The following SLC14A2 variants were observed in gnomAD, a reference collection of about 807,000 sequenced individuals.
SLC14A2 encodes the protein solute carrier family 14 member 2.
In SLC14A2, 91 loss-of-function variants were observed where a neutral mutation model predicts 104.6. That is an observed-to-expected ratio of 0.87 (90% confidence interval 0.73 to 1.04). The LOEUF (loss-of-function observed/expected upper bound fraction) is 1.04, where lower values mean the gene tolerates loss of function less well. SLC14A2 is among the 50% of genes least tolerant of loss of function. The pLI, the probability that SLC14A2 is intolerant of heterozygous loss-of-function variation, is 0.00. For synonymous variants in SLC14A2, 476 were observed against 466.4 expected (o/e 1.02, Z -0.27); for missense variants, 1,189 against 1,156.0 (o/e 1.03, Z -0.41).
At chr18:45,524,083 G>T (rs573782413) in intron 2 of SLC14A2, among the ~76,000 whole-genome samples, 51 of 152,294 alleles carry the variant, frequency 3.3e-4, no homozygotes, top group Non-Finnish European at 6.6e-4. Context: ...CCTGGCTATT[G>T]TAAGGATTGG....
chr18:45,493,345 C>T (rs1415039010), intron 2 of SLC14A2: 2 of 152,300 alleles, frequency 1.3e-5, no homozygotes, highest in East Asian at 3.9e-4. Flanking sequence ...GGCAGAGGAG[C>T]CCCAAGTCAC....
chr18:45,537,027 C>T lies in SLC14A2; in HGVS notation c.-35+53705C>T, dbSNP rs2043799149. 6.4e-5 allele frequency among the ~76,000 whole-genome samples: 4 copies of T among 62,446 alleles called. No homozygotes were observed. The South Asian group carries it at 3.1e-3, about 49-fold the overall frequency. 41.0% of individuals were successfully genotyped at this position (62,446 alleles called of 152,430 possible). On this transcript the variant is annotated intron_variant, in intron 2 of 20. Transcript: ENST00000586448. ...TGGTTCGTCCCCCTCTCTCCCCTCC[C>T]TCCCTCCCTCCCTCCCTCCCTCCCT...
intron 2 of SLC14A2, among the ~76,000 whole-genome samples, chr18:45,505,196 A>G (rs1395842945): frequency 2.0e-5 from 3 of 152,142 alleles, no homozygotes; most frequent in African/African-American, 7.2e-5. Flanking sequence ...GGCTGTTTGG[A>G]TAGTCCAGTG....
the SLC14A2 span, among the ~76,000 whole-genome samples, chr18:45,198,495 C>T: frequency 2.0e-5 from 3 of 152,084 alleles, no homozygotes; most frequent in Non-Finnish European, 4.4e-5. Flanking sequence ...TATACAAAGT[C>T]TTATTCTGTA....
chr18:45,271,094 G>A (rs2084646528), intron 1 of SLC14A2, among the ~76,000 whole-genome samples: 1 of 152,150 alleles, frequency 6.6e-6, no homozygotes, highest in African/African-American at 2.4e-5. Context: ...AAGCTTAGAT[G>A]GTGGATCCCA....
At chr18:45,680,902 A>G in intron 19 of SLC14A2, among the ~76,000 whole-genome samples, 1 of 152,182 alleles carries the variant, frequency 6.6e-6, no homozygotes, top group East Asian at 1.9e-4. Flanking sequence ...GACTCGCTGA[A>G]TGGAACTCAT....
chr18:45,294,411 A>G (rs1035294261), intron 1 of SLC14A2, among the ~76,000 whole-genome samples: 5 of 152,186 alleles, frequency 3.3e-5, no homozygotes, highest in Non-Finnish European at 7.4e-5. Context: ...AGCTAGTATT[A>G]ATGTTAGATT....
At chr18:45,259,308 A>C (rs1220115267) in intron 1 of SLC14A2, among the ~76,000 whole-genome samples, 1 of 152,196 alleles carries the variant, frequency 6.6e-6, no homozygotes, top group Non-Finnish European at 1.5e-5. Context: ...GGAAGAAATA[A>C]TATGTTGGAG....
intron 1 of SLC14A2, among the ~76,000 whole-genome samples, chr18:45,214,958 A>G (rs1453143594): frequency 6.6e-6 from 1 of 151,524 alleles, no homozygotes; most frequent in Admixed American, 6.6e-5. Context: ...AAGAAAAAAA[A>G]GATACCTAAT....
intron 11 of SLC14A2, 122 bp downstream of exon 11, chr18:45,664,029 C>A: frequency 9.6e-7 from 1 of 1,040,984 alleles, no homozygotes; most frequent in Non-Finnish European, 1.4e-6. Context: ...GACTTGACCT[C>A]TCACACCTGA....
chr18:45,423,113 T>C (rs2086371744), intron 1 of SLC14A2, among the ~76,000 whole-genome samples: 1 of 152,236 alleles, frequency 6.6e-6, no homozygotes, highest in African/African-American at 2.4e-5. Flanking sequence ...CCATTTATTT[T>C]CACTCTCTCT....
intron 1 of SLC14A2, among the ~76,000 whole-genome samples, chr18:45,460,703 T>G (rs2087029699): frequency 1.3e-5 from 2 of 152,206 alleles, no homozygotes; most frequent in South Asian, 4.1e-4. Context: ...CCCTCTCTCC[T>G]TGGCAACTTT....
chr18:45,276,961 G>A (rs1451088784), intron 1 of SLC14A2, among the ~76,000 whole-genome samples: 1 of 152,148 alleles, frequency 6.6e-6, no homozygotes, highest in Non-Finnish European at 1.5e-5. Flanking sequence ...TAGTGATCCT[G>A]GGCCTTTGGC....
At chr18:45,414,715 ATGCCAGGTGCGG>A (rs989209320) in intron 1 of SLC14A2, among the ~76,000 whole-genome samples, 1 of 140,570 alleles carries the variant, frequency 7.1e-6, no homozygotes, top group African/African-American at 2.7e-5. Context: ...GCCTTTTCAC[ATGCCAGGTGCGG>A]TGCAAGGCAC....
At chr18:45,523,803 C>G (rs950560710) in intron 2 of SLC14A2, among the ~76,000 whole-genome samples, 2 of 152,172 alleles carry the variant, frequency 1.3e-5, no homozygotes, top group Admixed American at 6.5e-5. Flanking sequence ...TTTCACTTTT[C>G]CCAGGTCGTC....
intron 1 of SLC14A2, among the ~76,000 whole-genome samples, chr18:45,378,110 A>C (rs918441928): frequency 6.6e-6 from 1 of 152,238 alleles, no homozygotes. Context: ...AGGCACTTAG[A>C]TACTTTACTT....
intron 1 of SLC14A2, among the ~76,000 whole-genome samples, chr18:45,239,157 G>A (rs1039003492): frequency 4.6e-5 from 7 of 152,078 alleles, no homozygotes; most frequent in African/African-American, 1.2e-4. Flanking sequence ...GTTCTAGGGC[G>A]GCTCCTCCCA....
At chr18:45,240,661 T>C (rs2084306118) in intron 1 of SLC14A2, among the ~76,000 whole-genome samples, 1 of 150,892 alleles carries the variant, frequency 6.6e-6, no homozygotes, top group African/African-American at 2.5e-5. Flanking sequence ...TTTTTGTTTT[T>C]GGTTTTGCCT....
chr18:45,327,979 T>C (rs888882158), intron 1 of SLC14A2, among the ~76,000 whole-genome samples: 1 of 152,180 alleles, frequency 6.6e-6, no homozygotes, highest in African/African-American at 2.4e-5. Context: ...ATCATGTTTG[T>C]ATGGGGATAG....
Sources: gnomAD v4.1 joint callset for allele counts (sites outside exome capture counted in the v4.1 genomes callset) on GRCh38, gnomAD v4.1.1 for gene constraint, MANE v1.5 for transcripts, NCBI Gene and HGNC (gene_info 2026-07-23, HGNC 2026-07-21) for gene names.